The following MAP7D2 variants were observed in gnomAD, a reference collection of about 807,000 sequenced individuals.
MAP7D2 encodes MAP7 domain containing 2, also known as MAP7 domain-containing protein 2.
MAP7D2 carries 33 observed loss-of-function variants against 63.5 expected under a neutral mutation model. The ratio of observed to expected loss-of-function variants is 0.52; its 90% CI spans 0.39 to 0.70. The LOEUF is 0.70. Among genes scored for constraint, MAP7D2 ranks in the 30% least tolerant of loss-of-function variants. MAP7D2 has a pLI of 0.00. For synonymous variants in MAP7D2, 224 were observed against 223.7 expected, an observed-to-expected ratio of 1.00 and a Z score of -0.01; for missense variants, 626 against 604.0, an observed-to-expected ratio of 1.04 and a Z score of -0.38.
At chrX:20,067,291 C>T (rs1190402580) in intron 1 of MAP7D2, among the ~76,000 whole-genome samples, 1 of 112,086 alleles carries the variant, frequency 8.9e-6, no homozygotes. Context: ...GCCAAACACA[C>T]TTGAAACTGC....
intron 6 of MAP7D2, among the ~76,000 whole-genome samples, chrX:20,050,165 G>A (rs951713170): frequency 2.7e-5 from 3 of 111,428 alleles, no homozygotes; most frequent in East Asian, 2.8e-4. Flanking sequence ...CTGACATGAC[G>A]ACTTGATCTG....
At chrX:20,018,579 A>G (rs185733168) in intron 10 of MAP7D2, among the ~76,000 whole-genome samples, 1,394 of 107,545 alleles carry the variant, frequency 0.013, 26 homozygotes, top group African/African-American at 0.044. Flanking sequence ...AGTAGCCGGG[A>G]CTACAGGCAT....
intron 1 of MAP7D2, among the ~76,000 whole-genome samples, chrX:20,083,493 A>C (rs2065829164): frequency 1.8e-5 from 2 of 112,023 alleles, no homozygotes; most frequent in East Asian, 2.8e-4. Context: ...TGATATATGC[A>C]TTTTCAAATC....
At chrX:20,088,927 G>A (rs1214455983) in intron 1 of MAP7D2, among the ~76,000 whole-genome samples, 1 of 109,579 alleles carries the variant, frequency 9.1e-6, no homozygotes, top group East Asian at 2.9e-4. Context: ...TCCACCTCTC[G>A]GGTTCAAGCA....
At chrX:20,077,113 A>G (rs1178145008) in intron 1 of MAP7D2, among the ~76,000 whole-genome samples, 2 of 112,026 alleles carry the variant, frequency 1.8e-5, no homozygotes, top group African/African-American at 6.5e-5. Context: ...TGTAATCATC[A>G]CCATTCTGCC....
chrX:20,037,189 A>T (rs985492962), intron 8 of MAP7D2, among the ~76,000 whole-genome samples: 1 of 111,408 alleles, frequency 9.0e-6, no homozygotes. Flanking sequence ...CAAGCTGAGG[A>T]GCAAGGAAGC....
chrX:20,058,414 A>C (rs1023876551), intron 3 of MAP7D2, among the ~76,000 whole-genome samples: 2 of 112,463 alleles, frequency 1.8e-5, no homozygotes, highest in Non-Finnish European at 3.8e-5. Context: ...GATTTCCTAC[A>C]TGCCAGAAGG....
In MAP7D2 at chrX:20,025,673, G is replaced by C; in HGVS notation, c.1279+8C>G. On this transcript the variant is annotated splice_region_variant and intron_variant, in intron 9 of 16. Transcript: ENST00000379643. ...TTGGGAAAGCCAAGGCACGGTGGCA[G>C]CATCTACCTGCGCTGTTTTCGGCTT... 2 of 1,210,781 alleles carry C rather than the reference G, an allele frequency of 1.7e-6. No homozygotes were observed. The highest frequency in any genetic ancestry group is 2.2e-6 in the Non-Finnish European group (2 of 894,751).
intron 1 of MAP7D2, among the ~76,000 whole-genome samples, chrX:20,088,470 T>TTTG (rs2065976271): frequency 4.3e-5 from 1 of 23,260 alleles, no homozygotes; most frequent in Admixed American, 4.0e-4. Flanking sequence ...AATTTTCAGT[T>TTTG]TTTTTTTTTT....
chrX:20,044,223 G>A, intron 7 of MAP7D2, 141 bp downstream of exon 7: 1 of 644,331 alleles, frequency 1.6e-6, no homozygotes, highest in South Asian at 3.5e-5. Flanking sequence ...GTAAAATTTT[G>A]AACTAAATCT....
intron 1 of MAP7D2, among the ~76,000 whole-genome samples, chrX:20,075,413 AG>A (rs1569117891): frequency 9.1e-6 from 1 of 109,331 alleles, no homozygotes. Context: ...GACACTGGAA[AG>A]GGGAAAAATA....
chrX:20,066,632 G>C (rs192458147), intron 1 of MAP7D2, among the ~76,000 whole-genome samples: 1 of 111,330 alleles, frequency 9.0e-6, no homozygotes, highest in Admixed American at 9.5e-5. Context: ...CCCGCAATCT[G>C]ACTCCAAACT....
At chrX:20,116,663 T>G in intron 1 of MAP7D2, 87 bp downstream of exon 1, 2 of 1,054,217 alleles carry the variant, frequency 1.9e-6, no homozygotes, top group Non-Finnish European at 2.5e-6. Context: ...CCCCCCACGC[T>G]CGAGGACCTT....
intron 1 of MAP7D2, among the ~76,000 whole-genome samples, chrX:20,090,206 C>T (rs1277958877): frequency 9.1e-6 from 1 of 109,577 alleles, no homozygotes; most frequent in African/African-American, 3.3e-5. Context: ...AATTAGTTGC[C>T]GAATCCGGCC....
chrX:20,029,165 G>A (rs775278052), intron 8 of MAP7D2, among the ~76,000 whole-genome samples: 8 of 112,388 alleles, frequency 7.1e-5, no homozygotes, highest in African/African-American at 2.6e-4. Context: ...GAAGTGTGCT[G>A]GCACTTCTGC....
At chrX:20,078,614 T>C (rs1274158051) in intron 1 of MAP7D2, among the ~76,000 whole-genome samples, 1 of 112,876 alleles carries the variant, frequency 8.9e-6, no homozygotes, top group Non-Finnish European at 1.9e-5. Context: ...CTCACTTTTC[T>C]CAGCTGTTAA....
At chrX:20,057,391 C>G (rs766226394) in intron 3 of MAP7D2, among the ~76,000 whole-genome samples, 1 of 110,288 alleles carries the variant, frequency 9.1e-6, no homozygotes, top group East Asian at 2.8e-4. Flanking sequence ...AACCTTCTGG[C>G]CACAAAAAAA....
chrX:20,062,448 TCTGA>T, intron 3 of MAP7D2, among the ~76,000 whole-genome samples: 1 of 110,605 alleles, frequency 9.0e-6, no homozygotes, highest in South Asian at 3.9e-4. Flanking sequence ...CAAAGATGGG[TCTGA>T]CTATGTGTGT....
chrX:20,049,082 G>A (rs776402978), intron 6 of MAP7D2, among the ~76,000 whole-genome samples: 10 of 109,853 alleles, frequency 9.1e-5, no homozygotes, highest in Non-Finnish European at 9.5e-5. Flanking sequence ...AACTTCGTCC[G>A]TTAAGCAGTC....
Sources: gnomAD v4.1 joint callset for allele counts (sites outside exome capture counted in the v4.1 genomes callset) on GRCh38, gnomAD v4.1.1 for gene constraint, MANE v1.5 for transcripts, NCBI Gene and HGNC (gene_info 2026-07-23, HGNC 2026-07-21) for gene names.